NUGGC: variants seen among roughly 807,000 people sequenced by gnomAD.
NUGGC encodes the protein nuclear GTPase SLIP-GC.
Under a neutral mutation model 92.6 loss-of-function variants are expected in NUGGC, and 58 were observed. That is an observed-to-expected ratio of 0.63 (90% CI 0.51 to 0.78). NUGGC has a LOEUF of 0.78. Ranked by LOEUF, NUGGC falls within the 30% of genes least tolerant of loss-of-function variation. The pLI, the probability that NUGGC is intolerant of heterozygous loss-of-function variation, is 0.00. For synonymous variants in NUGGC, 376 were observed against 366.4 expected, an observed-to-expected ratio of 1.03 and a Z score of -0.30; for missense variants, 925 against 964.6, an observed-to-expected ratio of 0.96 and a Z score of 0.54.
At chr8:28,074,735 T>G (rs1319911152) in intron 1 of NUGGC, among the ~76,000 whole-genome samples, 2 of 152,136 alleles carry the variant, frequency 1.3e-5, no homozygotes, top group Admixed American at 6.5e-5. Flanking sequence ...GGTCAGGAGT[T>G]CAAGACCAGC....
Position 28,069,397 on chromosome 8 carries a change from G to A in NUGGC, c.257+147C>T, listed in dbSNP as rs541280462. 26 of 580,334 alleles carry A rather than the reference G, an allele frequency of 4.5e-5. No individual in the cohort carries two copies. The African/African-American group carries it at 4.9e-4, about 11-fold the overall frequency. The allele number at this position is 580,334 out of a possible 1,614,324, so 35.9% of individuals were successfully genotyped here. ...CCTAACAGTGACAGCTCAATGAATG[G>A]CAACTATCCCATAGCTACAGAAATT... is the stretch of plus-strand genomic sequence containing the variant. On this transcript the variant is annotated intron_variant, in intron 4 of 18. Transcript: ENST00000413272.
intron 7 of NUGGC, among the ~76,000 whole-genome samples, chr8:28,061,791 G>A (rs935788664): frequency 6.6e-6 from 1 of 152,052 alleles, no homozygotes; most frequent in Admixed American, 6.6e-5. Flanking sequence ...ACAACCTTGG[G>A]GGGGTACTTG....
At chr8:28,071,151 C>T (rs543841670) in intron 2 of NUGGC, among the ~76,000 whole-genome samples, 6 of 152,126 alleles carry the variant, frequency 3.9e-5, no homozygotes, top group Non-Finnish European at 5.9e-5. Context: ...ATCTATCTCC[C>T]CAGATAAATA....
chr8:28,072,046 C>G (rs184356387), intron 2 of NUGGC, among the ~76,000 whole-genome samples: 11 of 152,302 alleles, frequency 7.2e-5, no homozygotes, highest in Non-Finnish European at 1.2e-4. Context: ...CTCTGTTCAA[C>G]CTTGCATCTT....
chr8:28,064,879 T>TGCAATC, intron 6 of NUGGC, 148 bp from the exon 7 acceptor site: 2 of 646,644 alleles, frequency 3.1e-6, no homozygotes, highest in Non-Finnish European at 5.3e-6. Context: ...CTGTAGGACC[T>TGCAATC]AGAACCTGAG....
intron 10 of NUGGC, among the ~76,000 whole-genome samples, chr8:28,049,037 G>A (rs1196677019): frequency 1.1e-4 from 16 of 152,084 alleles, no homozygotes; most frequent in Non-Finnish European, 1.2e-4. Flanking sequence ...TATAGAATGT[G>A]CATGTGCGTG....
At position 28,026,987 on chromosome 8, in the gene NUGGC, C is replaced by A; in HGVS notation, c.2220G>T (p.Gly740=). 6.2e-7 allele frequency: 1 copy of A among 1,613,530 alleles called. No individual in the cohort carries two copies. Among genetic ancestry groups the A allele is most frequent in the Non-Finnish European group, 8.5e-7 (1 of 1,179,478 alleles). ...CTGCAAGCTCCTTGTAGAGGCCATCCCCCTGGGACGAAGCAAGGGCCAGCA... is the reference window on the plus strand; with the variant it reads ...CTGCAAGCTCCTTGTAGAGGCCATCACCCTGGGACGAAGCAAGGGCCAGCA... The part of the protein sequence containing the change: ...TTMLALASSQ[G]DGLYKELADV... The change falls in exon 18 of 19, where the codon GGG becomes GGT. Residue 740 remains glycine, a synonymous_variant. Transcript: ENST00000413272.
intron 15 of NUGGC, 103 bp downstream of exon 15, chr8:28,031,140 G>C (rs900250973): frequency 6.7e-6 from 9 of 1,343,654 alleles, no homozygotes; most frequent in Non-Finnish European, 9.5e-6. Flanking sequence ...CCAGACCCTG[G>C]ATACTCCAGG....
In NUGGC at chr8:28,064,619, G is replaced by C. The variant is rs1302009768; in HGVS notation, c.824C>G (p.Thr275Arg). 1 of 1,613,928 alleles carries C rather than the reference G, an allele frequency of 6.2e-7. No homozygotes were observed. Among genetic ancestry groups the C allele is most frequent in the Admixed American group, 1.7e-5 (1 of 60,006 alleles). The stretch of plus-strand genomic sequence containing the variant: ...TGGGATCAGGTCGGATTTGGGAAGT[G>C]TCACTTCCACATGTTTGATCAAGGG... ...IWPLIKHVEV[T>R]LPKSDLIPEG... The change falls in exon 7 of 19, where the codon ACA becomes AGA. Residue 275 changes from threonine to arginine, a missense_variant. Coordinates refer to ENST00000413272, the MANE Select transcript of NUGGC (RefSeq NM_001010906.2).
At chr8:28,041,245 C>A (rs576379839) in intron 12 of NUGGC, 30 bp from the exon 13 acceptor site, 4 of 1,586,320 alleles carry the variant, frequency 2.5e-6, no homozygotes, top group Non-Finnish European at 2.6e-6. Context: ...AAGAATCAGG[C>A]CACCCCCTCC....
intron 12 of NUGGC, among the ~76,000 whole-genome samples, chr8:28,041,442 C>T (rs1004289612): frequency 6.6e-6 from 1 of 152,206 alleles, no homozygotes; most frequent in African/African-American, 2.4e-5. Context: ...TATTTCATTT[C>T]TTAAAAATCA....
chr8:28,074,352 A>G lies in NUGGC; in HGVS notation c.43+16T>C. The G allele has an allele frequency of 6.3e-7, 1 of 1,586,230 alleles. No individual in the cohort carries two copies. The highest frequency in any genetic ancestry group is 8.7e-7 in the Non-Finnish European group (1 of 1,154,912). On this transcript the variant is annotated intron_variant, in intron 2 of 18. Coordinates refer to ENST00000413272, the MANE Select transcript of NUGGC (RefSeq NM_001010906.2). Reference sequence around the variant, plus strand: ...GTTCCTATATCCTCCATCAGAAGATACTGCAAAGATGTTACCTGGATGCGG... The same window carrying G: ...GTTCCTATATCCTCCATCAGAAGATGCTGCAAAGATGTTACCTGGATGCGG...
Position 28,060,384 on chromosome 8 carries a change from C to A in NUGGC, c.1097+42G>T, listed in dbSNP as rs1342286838. Reference sequence around the variant, plus strand: ...TGTAGTCAGGACCCACAGAGGAAAGCCCCTGACTGGAGCCCACATCCTTGC... The same window carrying A: ...TGTAGTCAGGACCCACAGAGGAAAGACCCTGACTGGAGCCCACATCCTTGC... On this transcript the variant is annotated intron_variant, in intron 8 of 18. Transcript: ENST00000413272. 3 of 1,589,476 alleles carry A rather than the reference C, an allele frequency of 1.9e-6. No individual in the cohort carries two copies. The Admixed American group carries it at 5.1e-5, about 27-fold the overall frequency.
chr8:28,033,680 T>G lies in NUGGC; in HGVS notation c.1629A>C (p.Gln543His), dbSNP rs1809481493. 1.9e-6 allele frequency: 3 copies of G among 1,613,828 alleles called. No homozygotes were observed. Among genetic ancestry groups the G allele is most frequent in the Non-Finnish European group, 2.5e-6 (3 of 1,179,852 alleles). The change falls in exon 14 of 19, where the codon CAA (glutamine) becomes CAC (histidine). Residue 543 changes from glutamine to histidine, a missense_variant. Coordinates refer to ENST00000413272, the MANE Select transcript of NUGGC (RefSeq NM_001010906.2). Reference sequence around the variant, plus strand: ...CAGCTTTCAGGGTCTGATGAAAACCTTGGTTTCCTTTACTCCTCTAGACAA... The same window carrying G: ...CAGCTTTCAGGGTCTGATGAAAACCGTGGTTTCCTTTACTCCTCTAGACAA... ...RACLVRSKGNQGFHQTLKAVC... is the reference protein window; with the variant it reads ...RACLVRSKGNHGFHQTLKAVC...
At chr8:28,079,859 G>A (rs893120479) in intron 1 of NUGGC, among the ~76,000 whole-genome samples, 6 of 152,324 alleles carry the variant, frequency 3.9e-5, no homozygotes, top group Non-Finnish European at 8.8e-5. Context: ...TGATAGAATT[G>A]TATGCAGGAA....
chr8:28,040,499 C>A (rs1268715721), intron 13 of NUGGC, among the ~76,000 whole-genome samples: 42 of 152,180 alleles, frequency 2.8e-4, no homozygotes, highest in Non-Finnish European at 2.9e-5. Flanking sequence ...GTACTCCAAC[C>A]AAGACCCTCA....
chr8:28,047,447 C>T (rs1395459903), intron 11 of NUGGC, 60 bp downstream of exon 11: 8 of 1,095,428 alleles, frequency 7.3e-6, no homozygotes, highest in Admixed American at 5.0e-5. Flanking sequence ...GCAGGAAATT[C>T]GAAGTGCCAA....
chr8:28,025,439 A>G (rs1809233259), intron 18 of NUGGC, among the ~76,000 whole-genome samples: 1 of 152,234 alleles, frequency 6.6e-6, no homozygotes, highest in Non-Finnish European at 1.5e-5. Context: ...GTTCAGAGAC[A>G]GAGTGGTTAT....
intron 14 of NUGGC, among the ~76,000 whole-genome samples, chr8:28,032,739 A>G (rs1585556310): frequency 6.6e-6 from 1 of 151,774 alleles, no homozygotes; most frequent in East Asian, 1.9e-4. Context: ...AAAAAAAAAA[A>G]AAGAATTAGA....
Sources: gnomAD v4.1 joint callset for allele counts (sites outside exome capture counted in the v4.1 genomes callset) on GRCh38, gnomAD v4.1.1 for gene constraint, MANE v1.5 for transcripts, NCBI Gene and HGNC (gene_info 2026-07-23, HGNC 2026-07-21) for gene names.